Variants in CBFA2T2 observed in about 807,000 individuals in gnomAD.
CBFA2T2 encodes the protein protein CBFA2T2.
A neutral mutation model predicts 62.2 loss-of-function variants in CBFA2T2; 11 were observed. The observed-to-expected ratio is 0.18, with a 90% confidence interval of 0.11 to 0.29. The LOEUF is 0.29. CBFA2T2 is among the 10% of genes least tolerant of loss of function. CBFA2T2 has a pLI of 1.00. For missense variants in CBFA2T2, 592 were observed against 774.1 expected (o/e 0.76, Z 2.79); for synonymous variants, 295 against 287.5 (o/e 1.03, Z -0.27).
At position 33,623,887 on chromosome 20, in the gene CBFA2T2, C is replaced by T. The variant is rs144650938; in HGVS notation, c.692+591C>T. On this transcript the variant is annotated intron_variant, in intron 5 of 10. Transcript: ENST00000342704. ...ACTCTACTCTAGAGAATTTATGGGTCGACTGTTCCAGAAGCCTCAGGAGTA... is the reference window on the plus strand; with the variant it reads ...ACTCTACTCTAGAGAATTTATGGGTTGACTGTTCCAGAAGCCTCAGGAGTA... The T allele has an allele frequency of 3.8e-4, 272 of 714,374 alleles. 1 individual carries two copies. The East Asian group carries it at 5.4e-3, about 14-fold the overall frequency. 44.3% of individuals were successfully genotyped at this position (714,374 alleles called of 1,614,324 possible).
Position 33,596,919 on chromosome 20 carries a change from GTT to G in CBFA2T2, c.35-10020_35-10019del, listed in dbSNP as rs59278499. Among the ~76,000 whole-genome samples the G allele has an allele frequency of 8.7e-3, 1,096 of 125,360 alleles. 14 individuals are homozygous for G. Among genetic ancestry groups the G allele is most frequent in the African/African-American group, 0.028 (949 of 34,018 alleles). 82.2% of individuals were successfully genotyped at this position (125,360 alleles called of 152,430 possible). The stretch of plus-strand genomic sequence containing the variant: ...ACCTCAAAATTGTTTCTTGACCTCT[GTT>G]TTTTTTTTTTTTTTTTCTTTCTTTT... On this transcript the variant is annotated intron_variant, in intron 1 of 10. Transcript: ENST00000342704.
intron 10 of CBFA2T2, 62 bp downstream of exon 10, chr20:33,640,593 CCT>C: frequency 6.7e-7 from 1 of 1,484,502 alleles, no homozygotes. Flanking sequence ...CCGCTGCCTT[CCT>C]CTCATACGCT....
chr20:33,502,813 G>A (rs2011314237), intron 1 of CBFA2T2, among the ~76,000 whole-genome samples: 1 of 150,336 alleles, frequency 6.7e-6, no homozygotes, highest in Non-Finnish European at 1.5e-5. Context: ...TTTGGAGGCC[G>A]GGCGCGGTGG....
At chr20:33,543,026 T>G (rs963643321) in intron 1 of CBFA2T2, among the ~76,000 whole-genome samples, 3 of 151,856 alleles carry the variant, frequency 2.0e-5, no homozygotes, top group Non-Finnish European at 4.4e-5. Context: ...ATTATTATTA[T>G]TTTTTGAGAC....
intron 1 of CBFA2T2, among the ~76,000 whole-genome samples, chr20:33,547,682 A>G (rs898420850): frequency 1.3e-4 from 17 of 135,176 alleles, no homozygotes; most frequent in South Asian, 2.5e-4. Context: ...CCCTGTCTCA[A>G]AAAAATGTGT....
At chr20:33,609,226 C>T (rs755117044) in intron 2 of CBFA2T2, among the ~76,000 whole-genome samples, 23 of 152,134 alleles carry the variant, frequency 1.5e-4, no homozygotes, top group East Asian at 1.9e-4. Flanking sequence ...ATAGGCCAGG[C>T]GCAGTGGCTC....
chr20:33,523,464 A>T (rs2011790305), intron 1 of CBFA2T2, among the ~76,000 whole-genome samples: 3 of 151,992 alleles, frequency 2.0e-5, no homozygotes, highest in African/African-American at 4.8e-5. Context: ...TTAATTAAAT[A>T]ATAAAGATCA....
rs137927767 is a variant in CBFA2T2, at chr20:33,644,544, C to T, written c.1686C>T (p.Ala562=). 1.1e-5 allele frequency: 17 copies of T among 1,613,900 alleles called. No homozygotes were observed. The highest frequency in any genetic ancestry group is 5.3e-5 in the African/African-American group (4 of 74,954). ...GCAGGGGCTCCTCTGCCAGGTCCGCCGACTGCAGCGTGCCCAGCCCAGCCC... is the reference window on the plus strand; with the variant it reads ...GCAGGGGCTCCTCTGCCAGGTCCGCTGACTGCAGCGTGCCCAGCCCAGCCC... ...PVGRGSSARS[A]DCSVPSPALD... The change falls in exon 11 of 11, where the codon GCC becomes GCT. Residue 562 remains alanine, a synonymous_variant. Coordinates refer to ENST00000342704, the MANE Select transcript of CBFA2T2 (RefSeq NM_001032999.3).
At position 33,648,966 on chromosome 20, in the gene CBFA2T2, G is replaced by C. The variant is rs1238429487; in HGVS notation, c.*4320G>C. On this transcript the variant is annotated 3_prime_UTR_variant, in exon 11 of 11. Transcript: ENST00000342704. ...GGATATCGCAACAAGTGCGTTTGAAGGTTCAGCACAGCTGGAATTGTACGG... is the reference window on the plus strand; with the variant it reads ...GGATATCGCAACAAGTGCGTTTGAACGTTCAGCACAGCTGGAATTGTACGG... 10 of 152,128 alleles carry C rather than the reference G, an allele frequency of 6.6e-5. No individual in the cohort carries two copies. The highest frequency in any genetic ancestry group is 6.6e-4 in the Admixed American group (10 of 15,266). 9.4% of individuals were successfully genotyped at this position (152,128 alleles called of 1,614,324 possible).
chr20:33,503,198 A>G (rs1479385609), intron 1 of CBFA2T2, among the ~76,000 whole-genome samples: 1 of 151,214 alleles, frequency 6.6e-6, no homozygotes, highest in Non-Finnish European at 1.5e-5. Flanking sequence ...AAATATATAC[A>G]CACACATACA....
chr20:33,600,645 C>A (rs1009547362), intron 1 of CBFA2T2, among the ~76,000 whole-genome samples: 1 of 152,176 alleles, frequency 6.6e-6, no homozygotes, highest in Non-Finnish European at 1.5e-5. Flanking sequence ...ATCCCATGTG[C>A]TACCTGGAGA....
chr20:33,629,121 AT>A (rs2016356437), intron 7 of CBFA2T2, among the ~76,000 whole-genome samples: 1 of 152,204 alleles, frequency 6.6e-6, no homozygotes. Context: ...TATTTGTTAA[AT>A]TTTTATCAAA....
chr20:33,567,423 C>T (rs1196815031), intron 1 of CBFA2T2, among the ~76,000 whole-genome samples: 3 of 152,126 alleles, frequency 2.0e-5, no homozygotes, highest in Non-Finnish European at 2.9e-5. Flanking sequence ...GTCGAAGTTT[C>T]GCTTTCCAGG....
chr20:33,634,894 A>G (rs530250816), intron 8 of CBFA2T2, among the ~76,000 whole-genome samples: 1 of 152,268 alleles, frequency 6.6e-6, no homozygotes, highest in African/African-American at 2.4e-5. Flanking sequence ...ATAAACAGAA[A>G]TGGGAATTAA....
intron 1 of CBFA2T2, among the ~76,000 whole-genome samples, chr20:33,492,415 T>TA (rs199700102): frequency 4.8e-4 from 70 of 146,388 alleles, no homozygotes; most frequent in African/African-American, 1.3e-3. Context: ...TGCTTTCACT[T>TA]AAAAAAAAAA....
At chr20:33,567,914 G>A (rs985013911) in intron 1 of CBFA2T2, among the ~76,000 whole-genome samples, 6 of 152,096 alleles carry the variant, frequency 3.9e-5, no homozygotes, top group Non-Finnish European at 8.8e-5. Context: ...AGGTATGTAT[G>A]TATAGGAGAA....
intron 1 of CBFA2T2, among the ~76,000 whole-genome samples, chr20:33,557,203 C>T (rs2012925578): frequency 6.6e-6 from 1 of 151,152 alleles, no homozygotes; most frequent in South Asian, 2.1e-4. Flanking sequence ...TTAGTAGAGA[C>T]GGGTTTTCAC....
rs1179890334 is a variant in CBFA2T2 at position 33,490,243 on chromosome 20, C to T, written c.-25C>T. 4.0e-5 allele frequency: 49 copies of T among 1,229,398 alleles called. No individual in the cohort carries two copies. Among genetic ancestry groups the T allele is most frequent in the Non-Finnish European group, 4.7e-5 (46 of 986,366 alleles). 76.2% of individuals were successfully genotyped at this position (1,229,398 alleles called of 1,614,324 possible). ...GACCCGTGTCGCGGGTAGAGGCGGGCGGCGCGCGGCGGCGGCGCTCGGCGA... is the reference window on the plus strand; with the variant it reads ...GACCCGTGTCGCGGGTAGAGGCGGGTGGCGCGCGGCGGCGGCGCTCGGCGA... On this transcript the variant is annotated 5_prime_UTR_variant, in exon 1 of 11. Coordinates refer to ENST00000342704, the MANE Select transcript of CBFA2T2 (RefSeq NM_001032999.3).
intron 1 of CBFA2T2, among the ~76,000 whole-genome samples, chr20:33,591,219 C>T (rs1256849881): frequency 7.0e-6 from 1 of 142,722 alleles, no homozygotes; most frequent in East Asian, 2.1e-4. Flanking sequence ...CATGGTGGCT[C>T]ACACCTATAA....
Sources: allele counts gnomAD v4.1 joint callset (sites outside exome capture counted in the v4.1 genomes callset), GRCh38; gene constraint gnomAD v4.1.1; transcripts MANE v1.5; gene names NCBI Gene and HGNC (gene_info 2026-07-23, HGNC 2026-07-21).